The following CNGA1 variants were observed in gnomAD, a reference collection of about 807,000 sequenced individuals.
CNGA1 encodes the protein cyclic nucleotide-gated channel alpha-1.
In CNGA1, 53 loss-of-function variants were observed where a neutral mutation model predicts 69.7. The observed-to-expected ratio is 0.76, with a 90% CI of 0.61 to 0.96. CNGA1 has a LOEUF of 0.96. Among genes scored for constraint, CNGA1 ranks in the 40% least tolerant of loss-of-function variants. The pLI, the probability that CNGA1 is intolerant of heterozygous loss-of-function variation, is 0.00. For missense variants in CNGA1, 739 were observed against 811.2 expected (o/e 0.91, Z 1.08); for synonymous variants, 249 against 283.5 (o/e 0.88, Z 1.22).
chr4:47,953,327 A>G (rs1220578450), intron 3 of CNGA1, among the ~76,000 whole-genome samples: 1 of 152,238 alleles, frequency 6.6e-6, no homozygotes, highest in African/African-American at 2.4e-5. Context: ...GATTTATCCC[A>G]GTTTTGAAAT....
At chr4:48,001,293 A>G (rs990546337) in intron 2 of CNGA1, among the ~76,000 whole-genome samples, 3 of 152,098 alleles carry the variant, frequency 2.0e-5, no homozygotes, top group Non-Finnish European at 4.4e-5. Flanking sequence ...ACATGTTGAA[A>G]CCCCATCTCT....
intron 2 of CNGA1, among the ~76,000 whole-genome samples, chr4:47,989,038 C>T (rs1472875103): frequency 6.6e-6 from 1 of 151,946 alleles, no homozygotes; most frequent in Admixed American, 6.6e-5. Flanking sequence ...TCATTAGATC[C>T]CCTACTGTGA....
chr4:48,007,782 C>A (rs1714986264), intron 2 of CNGA1, among the ~76,000 whole-genome samples: 1 of 151,962 alleles, frequency 6.6e-6, no homozygotes, highest in Non-Finnish European at 1.5e-5. Context: ...TACCAAAAGG[C>A]AAAAGAAAAA....
chr4:48,006,830 C>G (rs545165929), intron 2 of CNGA1, among the ~76,000 whole-genome samples: 1 of 152,114 alleles, frequency 6.6e-6, no homozygotes, highest in East Asian at 1.9e-4. Flanking sequence ...ACCATGTTGG[C>G]CAGGCTGGTC....
At chr4:47,984,608 G>A (rs1408837378) in intron 2 of CNGA1, among the ~76,000 whole-genome samples, 3 of 149,782 alleles carry the variant, frequency 2.0e-5, no homozygotes, top group African/African-American at 7.4e-5. Flanking sequence ...GCAAGGCATT[G>A]AGACTCCATC....
chr4:48,007,717 T>A (rs1714984123), intron 2 of CNGA1, among the ~76,000 whole-genome samples: 1 of 152,182 alleles, frequency 6.6e-6, no homozygotes, highest in Admixed American at 6.5e-5. Flanking sequence ...AATCAAAACT[T>A]AATAATAATG....
Position 47,936,187 on chromosome 4 carries a change from A to G in CNGA1, c.*234T>C. 3 of 563,190 alleles carry G rather than the reference A, an allele frequency of 5.3e-6. No individual in the cohort carries two copies. Among genetic ancestry groups the G allele is most frequent in the Non-Finnish European group, 9.4e-6 (3 of 317,966 alleles). The allele number at this position is 563,190 out of a possible 1,614,324, so 34.9% of individuals were successfully genotyped here. On this transcript the variant is annotated 3_prime_UTR_variant, in exon 11 of 11. Coordinates refer to ENST00000514170, the MANE Select transcript of CNGA1 (RefSeq NM_001379270.1). ...AGAAAATACAGACACTGACAAGTTA[A>G]TCAGTTTATATCTTTGCACATTATC... is the stretch of plus-strand genomic sequence containing the variant.
At chr4:47,970,244 C>G (rs1293560865) in intron 3 of CNGA1, among the ~76,000 whole-genome samples, 13 of 152,106 alleles carry the variant, frequency 8.5e-5, no homozygotes, top group Admixed American at 8.5e-4. Flanking sequence ...CTATGAGGAA[C>G]AGTGACTTAA....
chr4:48,001,847 CAA>C (rs1338431566), intron 2 of CNGA1, among the ~76,000 whole-genome samples: 1 of 151,844 alleles, frequency 6.6e-6, no homozygotes, highest in Non-Finnish European at 1.5e-5. Flanking sequence ...GCTCTGTGTC[CAA>C]AAGAGGATTA....
At chr4:47,970,635 A>T (rs1740962974) in intron 3 of CNGA1, among the ~76,000 whole-genome samples, 2 of 143,608 alleles carry the variant, frequency 1.4e-5, no homozygotes, top group South Asian at 4.7e-4. Flanking sequence ...CTGGGCAACA[A>T]GAGCAAAACT....
At chr4:47,939,807 C>T (rs1365591680) in intron 10 of CNGA1, among the ~76,000 whole-genome samples, 1 of 152,040 alleles carries the variant, frequency 6.6e-6, no homozygotes, top group East Asian at 1.9e-4. Context: ...TTTTCCCCAC[C>T]GTACACAGTT....
chr4:47,951,230 G>C (rs1739719276), intron 5 of CNGA1, 123 bp downstream of exon 5: 10 of 694,226 alleles, frequency 1.4e-5, no homozygotes, highest in Non-Finnish European at 2.4e-5. Context: ...TAAGCATGTG[G>C]GAGTTATTTC....
intron 3 of CNGA1, among the ~76,000 whole-genome samples, chr4:47,971,727 CT>C (rs1335133388): frequency 1.3e-5 from 2 of 152,156 alleles, no homozygotes; most frequent in Admixed American, 6.6e-5. Context: ...AATCCCGTCT[CT>C]ACTAAAAGTA....
At chr4:47,991,283 G>A (rs889791980) in intron 2 of CNGA1, among the ~76,000 whole-genome samples, 4 of 152,144 alleles carry the variant, frequency 2.6e-5, no homozygotes, top group Non-Finnish European at 4.4e-5. Flanking sequence ...CAGCAGTGTA[G>A]AAATGTTCCC....
intron 2 of CNGA1, among the ~76,000 whole-genome samples, chr4:47,987,030 C>T (rs1306269870): frequency 6.6e-6 from 1 of 152,090 alleles, no homozygotes; most frequent in Non-Finnish European, 1.5e-5. Flanking sequence ...TTTTCCCCTC[C>T]AAAGCATGAT....
Position 47,937,835 on chromosome 4 carries a change from A to T in CNGA1, c.653-6T>A. ...CAGTCCTTGTTCTAGGTAACCTAAA[A>T]TAGAAAATAAAATCAATTCAGTGTT... On this transcript the variant is annotated splice_region_variant and splice_polypyrimidine_tract_variant and intron_variant, in intron 10 of 10. Transcript: ENST00000514170. 1 of 1,593,288 alleles carries T rather than the reference A, an allele frequency of 6.3e-7. No individual in the cohort carries two copies. The highest frequency in any genetic ancestry group is 8.6e-7 in the Non-Finnish European group (1 of 1,161,934).
intron 2 of CNGA1, among the ~76,000 whole-genome samples, chr4:47,995,705 G>C (rs1407562030): frequency 1.3e-5 from 2 of 151,834 alleles, no homozygotes; most frequent in Admixed American, 1.3e-4. Flanking sequence ...ATTTTTGGGG[G>C]GTGTTAAAGA....
intron 10 of CNGA1, among the ~76,000 whole-genome samples, chr4:47,939,647 C>G (rs181265846): frequency 1.3e-5 from 2 of 152,320 alleles, no homozygotes; most frequent in Admixed American, 1.3e-4. Flanking sequence ...TGGGCCTGTT[C>G]TAACTCCCGT....
chr4:47,947,179 C>T (rs895683390), intron 6 of CNGA1, among the ~76,000 whole-genome samples: 5 of 152,234 alleles, frequency 3.3e-5, no homozygotes, highest in Admixed American at 3.3e-4. Flanking sequence ...TATCAGCCCC[C>T]ACCTGTGGTC....
Sources: allele counts gnomAD v4.1 joint callset (sites outside exome capture counted in the v4.1 genomes callset), GRCh38; gene constraint gnomAD v4.1.1; transcripts MANE v1.5; gene names NCBI Gene and HGNC (gene_info 2026-07-23, HGNC 2026-07-21).